The following ABCA12 variants were observed in gnomAD, a reference collection of about 807,000 sequenced individuals.
ABCA12 encodes ATP binding cassette subfamily A member 12.
ABCA12 carries 156 observed loss-of-function variants against 293.5 expected under a neutral mutation model. That is an observed-to-expected ratio of 0.53 (90% CI 0.47 to 0.61). The LOEUF is 0.61. Among genes scored for constraint, ABCA12 ranks in the 20% least tolerant of loss-of-function variants. The pLI is 0.00. For synonymous variants in ABCA12, 1,063 were observed against 1,108.0 expected (o/e 0.96, Z 0.81); for missense variants, 2,797 against 3,090.2 (o/e 0.91, Z 2.25).
intron 20 of ABCA12, among the ~76,000 whole-genome samples, chr2:215,002,128 G>A (rs771055307): frequency 3.3e-5 from 5 of 152,160 alleles, no homozygotes; most frequent in African/African-American, 4.8e-5. Flanking sequence ...CTTTGTACAC[G>A]GAATGTGAAT....
chr2:215,015,457 G>T (rs915205707), intron 15 of ABCA12, 33 bp downstream of exon 15: 8 of 1,565,818 alleles, frequency 5.1e-6, no homozygotes, highest in Non-Finnish European at 6.2e-6. Context: ...TATAAACCAT[G>T]AATATAAACA....
At chr2:215,102,419 T>C (rs908834709) in intron 2 of ABCA12, among the ~76,000 whole-genome samples, 1 of 152,032 alleles carries the variant, frequency 6.6e-6, no homozygotes, top group African/African-American at 2.4e-5. Context: ...GCCAACATGG[T>C]GAAACCCTGT....
At chr2:215,124,573 CAT>C (rs1333285960) in intron 1 of ABCA12, among the ~76,000 whole-genome samples, 3 of 152,064 alleles carry the variant, frequency 2.0e-5, no homozygotes, top group African/African-American at 4.8e-5. Flanking sequence ...AGCATTTTTT[CAT>C]ATGTTTGTTG....
In ABCA12 at chr2:215,002,134, T is replaced by C. The variant is rs139439992; in HGVS notation, c.2684-397A>G. 4.8e-3 allele frequency among the ~76,000 whole-genome samples: 725 copies of C among 152,330 alleles called. 8 individuals carry two copies. The highest frequency in any genetic ancestry group is 0.016 in the African/African-American group (673 of 41,560). On this transcript the variant is annotated intron_variant, in intron 20 of 52. Coordinates refer to ENST00000272895, the MANE Select transcript of ABCA12 (RefSeq NM_173076.3). The stretch of plus-strand genomic sequence containing the variant: ...AAATGCCTGCTTTGTACACGGAATG[T>C]GAATGCACAAACTGAAACAAAGGAA...
rs1699508115 is a variant in ABCA12, at chr2:214,975,996, G to A, written c.5170C>T (p.Leu1724=). 3 of 1,614,074 alleles carry A rather than the reference G, an allele frequency of 1.9e-6. No individual in the cohort carries two copies. Among genetic ancestry groups the A allele is most frequent in the African/African-American group, 1.3e-5 (1 of 75,040 alleles). Residue 1724 remains leucine, a synonymous_variant, in exon 34 of 53, where the codon CTG becomes TTG. Transcript: ENST00000272895. ...ATAGCCATGATCTTCTTCAGCAACA[G>A]TCCAAAGCCATCCAGCCTCTCTCCT... ...TRGERLDGFG[L]LLKKIMAILI... is the part of the protein sequence containing the mutation.
chr2:215,123,034 T>C (rs1291757531), intron 1 of ABCA12, among the ~76,000 whole-genome samples: 3 of 152,226 alleles, frequency 2.0e-5, no homozygotes, highest in East Asian at 3.9e-4. Context: ...ACATATGATA[T>C]GTGATTTTCT....
intron 28 of ABCA12, 35 bp downstream of exon 28, chr2:214,986,507 C>T (rs377397269): frequency 1.3e-6 from 2 of 1,593,524 alleles, no homozygotes; most frequent in Non-Finnish European, 1.7e-6. Flanking sequence ...TTGTAACATG[C>T]TTCCATGGCA....
intron 23 of ABCA12, among the ~76,000 whole-genome samples, chr2:214,996,119 GAC>G (rs1367810817): frequency 1.3e-5 from 2 of 152,152 alleles, no homozygotes; most frequent in African/African-American, 2.4e-5. Context: ...GCCAAATGGA[GAC>G]ACAGAGCTAC....
chr2:215,131,050 A>C (rs1206976613), intron 1 of ABCA12, among the ~76,000 whole-genome samples: 2 of 151,544 alleles, frequency 1.3e-5, no homozygotes, highest in African/African-American at 4.9e-5. Context: ...GATCATGTTT[A>C]TTGATTTGTG....
chr2:214,996,599 G>T (rs1700038167), intron 23 of ABCA12, among the ~76,000 whole-genome samples: 2 of 152,202 alleles, frequency 1.3e-5, no homozygotes, highest in South Asian at 4.1e-4. Flanking sequence ...AAAACAACAG[G>T]ACTCAAACTA....
At chr2:215,072,310 A>C (rs1701753392) in intron 2 of ABCA12, among the ~76,000 whole-genome samples, 1 of 152,114 alleles carries the variant, frequency 6.6e-6, no homozygotes, top group East Asian at 1.9e-4. Flanking sequence ...TATGGATAGG[A>C]CATAGGGACA....
At chr2:215,107,663 T>C (rs954795745) in intron 2 of ABCA12, among the ~76,000 whole-genome samples, 14 of 152,200 alleles carry the variant, frequency 9.2e-5, no homozygotes, top group African/African-American at 3.1e-4. Flanking sequence ...CTTCTCCAGA[T>C]GCCCAACCAT....
chr2:215,104,730 C>T (rs1330932119), intron 2 of ABCA12, among the ~76,000 whole-genome samples: 3 of 152,324 alleles, frequency 2.0e-5, no homozygotes, highest in South Asian at 2.1e-4. Flanking sequence ...TGTTCTGAAA[C>T]TTCTTAAGCA....
At chr2:214,953,786 C>A in intron 44 of ABCA12, 68 bp downstream of exon 44, 1 of 1,569,376 alleles carries the variant, frequency 6.4e-7, no homozygotes, top group Non-Finnish European at 8.7e-7. Flanking sequence ...AGACTATTGA[C>A]TTCTTTCTCA....
At chr2:215,060,413 AC>A (rs1465684896) in intron 3 of ABCA12, among the ~76,000 whole-genome samples, 3 of 152,132 alleles carry the variant, frequency 2.0e-5, no homozygotes, top group African/African-American at 7.2e-5. Flanking sequence ...TAAAATTTTA[AC>A]CATTCTTTTT....
At chr2:215,093,173 C>T (rs1419671201) in intron 2 of ABCA12, among the ~76,000 whole-genome samples, 1 of 152,196 alleles carries the variant, frequency 6.6e-6, no homozygotes, top group East Asian at 1.9e-4. Flanking sequence ...TCATCCATTA[C>T]TTATCTCAGC....
intron 1 of ABCA12, among the ~76,000 whole-genome samples, chr2:215,116,511 G>GA (rs941925691): frequency 6.6e-6 from 1 of 151,902 alleles, no homozygotes; most frequent in Non-Finnish European, 1.5e-5. Flanking sequence ...GAATGATGAG[G>GA]ACACATCCAA....
intron 22 of ABCA12, among the ~76,000 whole-genome samples, chr2:214,998,829 T>A (rs1188909387): frequency 6.6e-6 from 1 of 152,150 alleles, no homozygotes; most frequent in Non-Finnish European, 1.5e-5. Context: ...ATGCCCTTAT[T>A]TGAGCTGAGG....
chr2:215,011,067 C>A (rs1304466739), intron 17 of ABCA12, among the ~76,000 whole-genome samples: 1 of 152,110 alleles, frequency 6.6e-6, no homozygotes. Flanking sequence ...AAAATTTCAA[C>A]CCAAACAGAT....
Sources: gnomAD v4.1 joint callset for allele counts (sites outside exome capture counted in the v4.1 genomes callset) on GRCh38, gnomAD v4.1.1 for gene constraint, MANE v1.5 for transcripts, NCBI Gene and HGNC (gene_info 2026-07-23, HGNC 2026-07-21) for gene names.